ABCA1: variants seen among roughly 807,000 people sequenced by gnomAD.
ABCA1 encodes the protein phospholipid-transporting ATPase ABCA1.
Under a neutral mutation model 262.5 loss-of-function variants are expected in ABCA1, and 133 were observed. The ratio of observed to expected loss-of-function variants is 0.51; its 90% CI spans 0.44 to 0.59. The LOEUF (loss-of-function observed/expected upper bound fraction) is 0.59, where lower values mean the gene tolerates loss of function less well. ABCA1 is among the 20% of genes least tolerant of loss of function. The pLI, the probability that ABCA1 is intolerant of heterozygous loss-of-function variation, is 0.00. For synonymous variants in ABCA1, 1,022 were observed against 1,043.5 expected, an observed-to-expected ratio of 0.98 and a Z score of 0.40; for missense variants, 2,452 against 2,777.5, an observed-to-expected ratio of 0.88 and a Z score of 2.63.
rs1427138461 is a variant in ABCA1, at chr9:104,799,927, G to A, written c.4835C>T (p.Ala1612Val). Residue 1612 changes from alanine (A) to valine (V), a missense_variant, in exon 36 of 50, where the codon GCC becomes GTC. Ala to Val is a moderately conservative substitution (Grantham distance 64). Coordinates refer to ENST00000374736, the MANE Select transcript of ABCA1 (RefSeq NM_005502.4). ...ISSFLNVINN[A>V]ILRANLQKGE... ...CTTTTGCAGGTTGGCCCGGAGAATG[G>A]CATTGTTGATGACATTCAGGAAAGA... The A allele has an allele frequency of 1.2e-6, 2 of 1,614,032 alleles. No individual in the cohort carries two copies. The highest frequency in any genetic ancestry group is 1.7e-6 in the Non-Finnish European group (2 of 1,180,036).
At chr9:104,833,212 C>A (rs1039448229) in intron 11 of ABCA1, among the ~76,000 whole-genome samples, 6 of 152,172 alleles carry the variant, frequency 3.9e-5, no homozygotes, top group African/African-American at 1.4e-4. Context: ...TTCAGTGTCT[C>A]GCTCTGCCGC....
At position 104,837,482 on chromosome 9, in the gene ABCA1, A is replaced by G; in HGVS notation, c.1140T>C (p.Val380=). ...TGTCAGGTGTATACAGGATCTTCCC[A>G]ACGAGCAGCGGCTTCAGAGCTTTCC... ...IIWKALKPLL[V]GKILYTPDTP... is the part of the protein sequence containing the mutation. The change falls in exon 10 of 50, where the codon GTT becomes GTC. Residue 380 remains valine (V), a synonymous_variant. Coordinates refer to ENST00000374736, the MANE Select transcript of ABCA1 (RefSeq NM_005502.4). 6.2e-7 allele frequency: 1 copy of G among 1,614,132 alleles called. No homozygotes were observed. Among genetic ancestry groups the G allele is most frequent in the Non-Finnish European group, 8.5e-7 (1 of 1,179,992 alleles).
chr9:104,808,737 G>A (rs548341921), intron 30 of ABCA1, among the ~76,000 whole-genome samples: 41 of 152,214 alleles, frequency 2.7e-4, no homozygotes, highest in African/African-American at 9.6e-4. Context: ...CAATTCTCCA[G>A]CACCTTCCCA....
At chr9:104,923,378 T>C (rs772723293) in intron 1 of ABCA1, among the ~76,000 whole-genome samples, 3 of 152,244 alleles carry the variant, frequency 2.0e-5, no homozygotes, top group Non-Finnish European at 4.4e-5. Context: ...GTTTTCATTA[T>C]GAACCAAGTA....
chr9:104,866,503 CAG>C (rs1457989543), intron 5 of ABCA1, among the ~76,000 whole-genome samples: 10 of 150,362 alleles, frequency 6.7e-5, no homozygotes, highest in Non-Finnish European at 3.0e-5. Flanking sequence ...TTTTTTAATA[CAG>C]AGTTTCACCC....
intron 1 of ABCA1, among the ~76,000 whole-genome samples, chr9:104,927,050 A>G (rs1255089863): frequency 6.6e-6 from 1 of 152,030 alleles, no homozygotes; most frequent in East Asian, 1.9e-4. Context: ...CGTCTCTACT[A>G]AAAATACAAA....
At chr9:104,927,734 C>G (rs918409852) in intron 1 of ABCA1, 10 of 152,356 alleles carry the variant, frequency 6.6e-5, no homozygotes, top group African/African-American at 2.2e-4. Flanking sequence ...CCAAGCGCAG[C>G]AGCGCAGAGT....
At chr9:104,873,959 T>C (rs2119145993) in intron 5 of ABCA1, among the ~76,000 whole-genome samples, 1 of 152,328 alleles carries the variant, frequency 6.6e-6, no homozygotes, top group East Asian at 1.9e-4. Context: ...AACACGAAGG[T>C]ATATTTCCCA....
At chr9:104,809,880 A>AAATGAAATAC (rs1831119268) in intron 29 of ABCA1, among the ~76,000 whole-genome samples, 1 of 152,020 alleles carries the variant, frequency 6.6e-6, no homozygotes, top group Non-Finnish European at 1.5e-5. Context: ...AAATCAACTC[A>AAATGAAATAC]TTAAGTATTT....
chr9:104,898,356 C>T (rs1376310827), intron 2 of ABCA1, among the ~76,000 whole-genome samples: 1 of 151,930 alleles, frequency 6.6e-6, no homozygotes, highest in Non-Finnish European at 1.5e-5. Context: ...TCAGACCAGC[C>T]TGGCCAATAT....
At chr9:104,910,048 C>A (rs1428306284) in intron 1 of ABCA1, among the ~76,000 whole-genome samples, 1 of 152,192 alleles carries the variant, frequency 6.6e-6, no homozygotes, top group Non-Finnish European at 1.5e-5. Context: ...CGCAAGAACA[C>A]TGCCAACACA....
intron 13 of ABCA1, among the ~76,000 whole-genome samples, 181 bp downstream of exon 13, chr9:104,831,441 T>C (rs182163834): frequency 1.3e-5 from 2 of 152,298 alleles, no homozygotes; most frequent in African/African-American, 2.4e-5. Context: ...TTATGACCTA[T>C]GAAAAACCTT....
intron 1 of ABCA1, among the ~76,000 whole-genome samples, chr9:104,926,021 A>AG (rs931438527): frequency 1.3e-5 from 2 of 151,832 alleles, no homozygotes; most frequent in African/African-American, 4.8e-5. Context: ...GCCGTTAAAA[A>AG]AAAAAGAAAA....
intron 6 of ABCA1, among the ~76,000 whole-genome samples, chr9:104,859,067 T>C (rs918634389): frequency 6.6e-6 from 1 of 152,252 alleles, no homozygotes; most frequent in Non-Finnish European, 1.5e-5. Context: ...AACAACATCC[T>C]CACTATTTTG....
chr9:104,888,892 A>G (rs1054006416), intron 3 of ABCA1, among the ~76,000 whole-genome samples: 1 of 152,272 alleles, frequency 6.6e-6, no homozygotes, highest in Non-Finnish European at 1.5e-5. Flanking sequence ...GTCTACTGTT[A>G]TAATTACAAT....
chr9:104,803,122 CCT>C (rs1411892856), intron 33 of ABCA1, among the ~76,000 whole-genome samples, 160 bp downstream of exon 33: 29 of 152,266 alleles, frequency 1.9e-4, no homozygotes, highest in African/African-American at 6.5e-4. Flanking sequence ...TGTCTGTGCC[CCT>C]GTGTGCTCCA....
In ABCA1 at chr9:104,817,738, GCTTTAATGTGTGTTCAACCA is replaced by G. The variant is rs1564123223; in HGVS notation, c.3463-354_3463-335del. On this transcript the variant is annotated intron_variant, in intron 23 of 49. Transcript: ENST00000374736. The surrounding 1 kb of genome is among the most constrained non-coding windows in gnomAD (Gnocchi z 4.7). ...ACATGTCTAGTTCAATGCTTCTCAT[GCTTTAATGTGTGTTCAACCA>G]CTCAAGAACCTTGTTAAAATGCACA... Among the ~76,000 whole-genome samples, 1 of 152,202 alleles carries G rather than the reference GCTTTAATGTGTGTTCAACCA, an allele frequency of 6.6e-6. No individual in the cohort carries two copies. Among genetic ancestry groups the G allele is most frequent in the Non-Finnish European group, 1.5e-5 (1 of 68,042 alleles).
At chr9:104,866,856 C>A (rs1837141612) in intron 5 of ABCA1, among the ~76,000 whole-genome samples, 1 of 152,162 alleles carries the variant, frequency 6.6e-6, no homozygotes, top group Admixed American at 6.5e-5. Flanking sequence ...GCTGCAGTCA[C>A]CCATGTAAAT....
At chr9:104,907,152 T>A (rs185795610) in intron 1 of ABCA1, among the ~76,000 whole-genome samples, 39 of 152,324 alleles carry the variant, frequency 2.6e-4, no homozygotes, top group African/African-American at 9.1e-4. Context: ...GCCCTGGAGA[T>A]GTGTATACAG....
Sources: gnomAD v4.1 joint callset for allele counts (sites outside exome capture counted in the v4.1 genomes callset) on GRCh38, gnomAD v4.1.1 for gene constraint, Gnocchi (gnomAD v3.1) non-coding constraint, MANE v1.5 for transcripts, NCBI Gene and HGNC (gene_info 2026-07-23, HGNC 2026-07-21) for gene names.